The following NAALADL2 variants were observed in gnomAD, a reference collection of about 807,000 sequenced individuals.
The protein encoded by NAALADL2 is N-acetylated alpha-linked acidic dipeptidase like 2.
In NAALADL2, 76 loss-of-function variants were observed where a neutral mutation model predicts 87.2. The observed-to-expected ratio is 0.87, with a 90% confidence interval of 0.72 to 1.05. NAALADL2 has a LOEUF of 1.05. Ranked by LOEUF, NAALADL2 falls within the 50% of genes least tolerant of loss-of-function variation. The pLI is 0.00. For missense variants in NAALADL2, 1,089 were observed against 945.8 expected (o/e 1.15, Z -1.99); for synonymous variants, 354 against 331.0 (o/e 1.07, Z -0.75).
chr3:175,088,628 A>G (rs922357345), intron 1 of NAALADL2, among the ~76,000 whole-genome samples: 4 of 152,254 alleles, frequency 2.6e-5, no homozygotes, highest in Admixed American at 2.0e-4. Flanking sequence ...AATTAAACCA[A>G]TAAAGTACCT....
chr3:175,504,626 A>G (rs888277888), intron 9 of NAALADL2, among the ~76,000 whole-genome samples: 7 of 145,354 alleles, frequency 4.8e-5, no homozygotes, highest in Non-Finnish European at 9.0e-5. Flanking sequence ...TCTCTCAGAC[A>G]CAGTGAGAAA....
At chr3:175,313,697 C>T (rs1389570425) in intron 4 of NAALADL2, among the ~76,000 whole-genome samples, 1 of 152,146 alleles carries the variant, frequency 6.6e-6, no homozygotes, top group African/African-American at 2.4e-5. Context: ...CAGCATCCTC[C>T]TTCCGAGCGA....
chr3:174,667,762 G>T (rs565307269), intron 2 of NAALADL2, among the ~76,000 whole-genome samples: 2 of 151,922 alleles, frequency 1.3e-5, no homozygotes, highest in Non-Finnish European at 1.5e-5. Flanking sequence ...TGAAGGGGAG[G>T]TTAAAGGTTA....
intron 3 of NAALADL2, among the ~76,000 whole-genome samples, chr3:174,833,853 C>T (rs1438750581): frequency 6.7e-6 from 1 of 149,722 alleles, no homozygotes; most frequent in African/African-American, 2.5e-5. Context: ...AAATTTAATG[C>T]CCATTTATCA....
At chr3:174,812,509 C>T (rs989659953) in intron 3 of NAALADL2, among the ~76,000 whole-genome samples, 2 of 152,090 alleles carry the variant, frequency 1.3e-5, no homozygotes, top group African/African-American at 2.4e-5. Flanking sequence ...ATTTAATATA[C>T]TATACTTTTT....
rs1348222182 is a variant in NAALADL2 at position 175,804,778 on chromosome 3, T to G, written c.*1575T>G. On this transcript the variant is annotated 3_prime_UTR_variant, in exon 14 of 14. Coordinates refer to ENST00000454872, the MANE Select transcript of NAALADL2 (RefSeq NM_207015.3). ...ATACTGATTAATTGATTTATAAGGT[T>G]CAACACTGTCTACCCTAAATAATTT... The G allele has an allele frequency of 1.3e-5, 2 of 151,804 alleles. No individual in the cohort carries two copies. Among genetic ancestry groups the G allele is most frequent in the African/African-American group, 4.8e-5 (2 of 41,378 alleles). 9.4% of individuals were successfully genotyped at this position (151,804 alleles called of 1,614,324 possible).
intron 1 of NAALADL2, among the ~76,000 whole-genome samples, chr3:175,094,437 G>C (rs1720747126): frequency 6.6e-6 from 1 of 151,658 alleles, no homozygotes; most frequent in South Asian, 2.1e-4. Context: ...ATTTTCTTTT[G>C]ACAGATTCTT....
intron 2 of NAALADL2, among the ~76,000 whole-genome samples, chr3:174,671,236 T>A (rs1286577713): frequency 6.6e-6 from 1 of 152,104 alleles, no homozygotes; most frequent in African/African-American, 2.4e-5. Flanking sequence ...TATATACTGT[T>A]AATGAAGGGA....
intron 2 of NAALADL2, among the ~76,000 whole-genome samples, chr3:174,620,214 T>A (rs999577670): frequency 2.6e-5 from 4 of 152,040 alleles, no homozygotes; most frequent in African/African-American, 9.6e-5. Flanking sequence ...TCTGGGAATA[T>A]AAGGATGAAT....
intron 2 of NAALADL2, among the ~76,000 whole-genome samples, chr3:174,693,010 ATAAT>A (rs1469534537): frequency 1.5e-5 from 2 of 132,948 alleles, no homozygotes; most frequent in African/African-American, 5.2e-5. Context: ...ATAATAAATG[ATAAT>A]TAATTCCTCT....
At position 175,138,521 on chromosome 3, in the gene NAALADL2, G is replaced by A. The variant is rs548151537; in HGVS notation, c.545+41230G>A. On this transcript the variant is annotated intron_variant, in intron 2 of 13. Transcript: ENST00000454872. Reference sequence around the variant, plus strand: ...TTTGTCCCTGGATGGGACACCTTAAGATTAATGTCAGTAATGATGAGATTT... The same window carrying A: ...TTTGTCCCTGGATGGGACACCTTAAAATTAATGTCAGTAATGATGAGATTT... Among the ~76,000 whole-genome samples, 31 of 151,900 alleles carry A rather than the reference G, an allele frequency of 2.0e-4. 1 individual carries two copies. Among genetic ancestry groups the A allele is most frequent in the South Asian group, 6.2e-4 (3 of 4,818 alleles).
chr3:174,886,024 C>T (rs1403933289), intron 1 of NAALADL2, among the ~76,000 whole-genome samples: 1 of 150,694 alleles, frequency 6.6e-6, no homozygotes, highest in African/African-American at 2.4e-5. Context: ...CGCCATTCTC[C>T]TGCCTCAGTC....
rs374293880 is a variant in NAALADL2, at chr3:174,707,266, AC to A, written c.-114-30373del. Among the ~76,000 whole-genome samples the A allele has an allele frequency of 3.8e-3, 162 of 42,776 alleles. 1 individual carries two copies. In the East Asian group the frequency reaches 0.094, roughly 25 times the overall value. The allele number at this position is 42,776 out of a possible 152,430, so 28.1% of individuals were successfully genotyped here. A position where few individuals can be genotyped will look rare whatever the true frequency, so the allele number is the denominator to read the frequency against. On this transcript the variant is annotated intron_variant, in intron 2 of 3. Coordinates refer to the NAALADL2 transcript ENST00000434257. ...TCCTCGGGGATCTAGAACTAGAAAT[AC>A]CATTTGACCCACCAATCCCCATTAC...
intron 1 of NAALADL2, among the ~76,000 whole-genome samples, chr3:174,958,006 GATAAAAAACAC>G (rs1315706696): frequency 2.0e-5 from 3 of 151,702 alleles, no homozygotes; most frequent in African/African-American, 7.3e-5. Flanking sequence ...TTCTCTGACA[GATAAAAAACAC>G]ATACTCATCC....
At chr3:175,303,987 T>G (rs1757392673) in intron 4 of NAALADL2, among the ~76,000 whole-genome samples, 1 of 151,380 alleles carries the variant, frequency 6.6e-6, no homozygotes, top group Admixed American at 6.6e-5. Context: ...GTGAAGGGGG[T>G]GGATAGTTTC....
intron 11 of NAALADL2, among the ~76,000 whole-genome samples, chr3:175,697,479 A>T (rs1270353252): frequency 6.6e-6 from 1 of 151,508 alleles, no homozygotes; most frequent in African/African-American, 2.4e-5. Flanking sequence ...TTTTAGGTGT[A>T]GTAGTTGAGT....
At chr3:175,227,309 G>A (rs1744299301) in intron 2 of NAALADL2, among the ~76,000 whole-genome samples, 1 of 151,764 alleles carries the variant, frequency 6.6e-6, no homozygotes, top group South Asian at 2.1e-4. Flanking sequence ...GTCTACTAAA[G>A]CCAAAATTCT....
At chr3:175,009,392 T>C (rs1354179911) in intron 1 of NAALADL2, among the ~76,000 whole-genome samples, 1 of 152,022 alleles carries the variant, frequency 6.6e-6, no homozygotes, top group Non-Finnish European at 1.5e-5. Flanking sequence ...AATGTTAACA[T>C]GGTTAACACG....
intron 1 of NAALADL2, among the ~76,000 whole-genome samples, chr3:175,003,288 C>G (rs927818981): frequency 6.6e-6 from 1 of 152,116 alleles, no homozygotes; most frequent in African/African-American, 2.4e-5. Flanking sequence ...GAGACTGAGG[C>G]AGGATAATCA....
Sources: allele counts gnomAD v4.1 joint callset (sites outside exome capture counted in the v4.1 genomes callset), GRCh38; gene constraint gnomAD v4.1.1; transcripts MANE v1.5; gene names NCBI Gene and HGNC (gene_info 2026-07-23, HGNC 2026-07-21).